The following ITGA9 variants were observed in gnomAD, a reference collection of about 807,000 sequenced individuals.
ITGA9 encodes integrin subunit alpha 9.
In ITGA9, 56 loss-of-function variants were observed where a neutral mutation model predicts 127.8. The observed-to-expected ratio is 0.44, with a 90% CI of 0.35 to 0.55. ITGA9 has a LOEUF of 0.55. ITGA9 is among the 20% of genes least tolerant of loss of function. The probability of loss-of-function intolerance (pLI) is 0.00; values close to 1 mark genes in which losing one functional copy is unlikely to be tolerated. For synonymous variants in ITGA9, 508 were observed against 514.5 expected, an observed-to-expected ratio of 0.99 and a Z score of 0.17; for missense variants, 1,196 against 1,347.1, an observed-to-expected ratio of 0.89 and a Z score of 1.76.
In ITGA9 at chr3:37,809,163, G is replaced by A. The variant is rs531812801; in HGVS notation, c.3009+5221G>A. On this transcript the variant is annotated intron_variant, in intron 27 of 27. Coordinates refer to ENST00000264741, the MANE Select transcript of ITGA9 (RefSeq NM_002207.3). Reference sequence around the variant, plus strand: ...TGCAGTAGCATGATCTTGACTCACTGCAACCTCCACCTCTTGGGTTCAAGA... The same window carrying A: ...TGCAGTAGCATGATCTTGACTCACTACAACCTCCACCTCTTGGGTTCAAGA... 4.1e-5 allele frequency among the ~76,000 whole-genome samples: 6 copies of A among 146,796 alleles called. No homozygotes were observed. In the Admixed American group the frequency reaches 4.2e-4, roughly 10 times the overall value.
chr3:37,721,984 G>A (rs1381752510), intron 18 of ITGA9, among the ~76,000 whole-genome samples: 1 of 152,158 alleles, frequency 6.6e-6, no homozygotes, highest in Non-Finnish European at 1.5e-5. Flanking sequence ...ACCCTCCAGT[G>A]CCTTCCCTCT....
In ITGA9 at chr3:37,452,597, G is replaced by A; in HGVS notation, c.185+38G>A. On this transcript the variant is annotated intron_variant, in intron 1 of 27. Transcript: ENST00000264741. This position sits in a 1 kb window ranked among gnomAD's most constrained non-coding sequence, Gnocchi z 7.3. ...CCGACTCCGCGACCCTGGCCCGCGC[G>A]GCCACCGCCCCGGCCCCCAGGCCAG... The A allele has an allele frequency of 1.4e-6, 2 of 1,477,336 alleles. No homozygotes were observed. Among genetic ancestry groups the A allele is most frequent in the Non-Finnish European group, 9.0e-7 (1 of 1,110,094 alleles). 91.5% of individuals were successfully genotyped at this position (1,477,336 alleles called of 1,614,324 possible).
At chr3:37,673,372 C>G (rs1190170822) in intron 17 of ITGA9, among the ~76,000 whole-genome samples, 1 of 152,180 alleles carries the variant, frequency 6.6e-6, no homozygotes, top group Non-Finnish European at 1.5e-5. Context: ...CCCAGGCTCC[C>G]TTGCAGATAA....
At chr3:37,762,800 C>T (rs774216645) in intron 23 of ITGA9, among the ~76,000 whole-genome samples, 1 of 152,184 alleles carries the variant, frequency 6.6e-6, no homozygotes, top group Non-Finnish European at 1.5e-5. Context: ...GCGTAGCTGT[C>T]CAGCAGCTCT....
intron 27 of ITGA9, among the ~76,000 whole-genome samples, chr3:37,813,284 C>G (rs76050719): frequency 0.04 from 6,042 of 152,248 alleles, 164 homozygotes; most frequent in Middle Eastern, 0.078. Context: ...ATCATAAAGT[C>G]AAAAAACTGT....
At chr3:37,490,683 A>G (rs1698660416) in intron 4 of ITGA9, among the ~76,000 whole-genome samples, 1 of 152,152 alleles carries the variant, frequency 6.6e-6, no homozygotes. Context: ...GGCTCCATGC[A>G]TTGAGTTGCG....
intron 22 of ITGA9, chr3:37,745,636 A>T (rs993207220): frequency 6.6e-6 from 1 of 152,256 alleles, no homozygotes; most frequent in Non-Finnish European, 1.5e-5. Context: ...TGAAGAGGGT[A>T]TGAGTGTTGA....
At chr3:37,587,936 G>A (rs887135915) in intron 15 of ITGA9, among the ~76,000 whole-genome samples, 1 of 152,180 alleles carries the variant, frequency 6.6e-6, no homozygotes, top group Non-Finnish European at 1.5e-5. Flanking sequence ...ATCCAGAGTG[G>A]CATGCAGTGG....
intron 26 of ITGA9, chr3:37,790,278 A>T: frequency 1.8e-6 from 1 of 542,594 alleles, no homozygotes; most frequent in Non-Finnish European, 3.7e-6. Context: ...TGTCATCTTT[A>T]TGAGCAATCT....
intron 5 of ITGA9, among the ~76,000 whole-genome samples, chr3:37,502,860 G>T (rs1698801278): frequency 6.6e-6 from 1 of 152,200 alleles, no homozygotes; most frequent in Admixed American, 6.5e-5. Context: ...TCAGCTGTTT[G>T]TCATTTCCTT....
At chr3:37,621,568 C>T (rs1427650658) in intron 15 of ITGA9, among the ~76,000 whole-genome samples, 1 of 152,170 alleles carries the variant, frequency 6.6e-6, no homozygotes, top group African/African-American at 2.4e-5. Flanking sequence ...CCCCAGCCCC[C>T]GACACACACA....
At chr3:37,733,143 A>G in intron 19 of ITGA9, 1 of 355,268 alleles carries the variant, frequency 2.8e-6, no homozygotes, top group Non-Finnish European at 5.5e-6. Context: ...TGAGTCCCCT[A>G]GACAACACAG....
At position 37,804,083 on chromosome 3, in the gene ITGA9, G is replaced by C. The variant is rs149528261; in HGVS notation, c.3009+141G>C. On this transcript the variant is annotated intron_variant, in intron 27 of 27. Transcript: ENST00000264741. ...GTGAAGGACAGTGACCCTTCAGGCA[G>C]GGAGTGGAATCTTGGCTCCCCTTGA... 1.1e-3 allele frequency: 1,390 copies of C among 1,310,090 alleles called. 10 individuals are homozygous for C. The African/African-American group carries it at 0.018, about 17-fold the overall frequency. The allele number at this position is 1,310,090 out of a possible 1,614,324, so 81.2% of individuals were successfully genotyped here.
intron 18 of ITGA9, among the ~76,000 whole-genome samples, chr3:37,712,607 A>G (rs1005710697): frequency 1.3e-5 from 2 of 152,172 alleles, no homozygotes; most frequent in African/African-American, 4.8e-5. Context: ...GGAAGTTGTC[A>G]TAGTGTCTCT....
intron 1 of ITGA9, among the ~76,000 whole-genome samples, chr3:37,462,848 C>G (rs149332940): frequency 1.3e-5 from 2 of 152,308 alleles, no homozygotes; most frequent in African/African-American, 4.8e-5. Flanking sequence ...TCATCACTGC[C>G]TTGGGAGGGG....
chr3:37,458,402 G>C (rs1698283089), intron 1 of ITGA9, among the ~76,000 whole-genome samples: 1 of 152,228 alleles, frequency 6.6e-6, no homozygotes, highest in African/African-American at 2.4e-5. Flanking sequence ...GGATGGGACA[G>C]AGAGAGCCTC....
chr3:37,632,560 T>C (rs1700238615), intron 16 of ITGA9, among the ~76,000 whole-genome samples: 2 of 152,154 alleles, frequency 1.3e-5, no homozygotes, highest in South Asian at 4.2e-4. Context: ...GAATAGCATG[T>C]TTCAGAGTTA....
intron 23 of ITGA9, among the ~76,000 whole-genome samples, chr3:37,766,891 G>A (rs1432591535): frequency 6.6e-6 from 1 of 152,218 alleles, no homozygotes; most frequent in African/African-American, 2.4e-5. Flanking sequence ...TTGTGTCACT[G>A]CCTCTCTCAG....
chr3:37,801,655 A>G (rs1409088229), intron 26 of ITGA9, among the ~76,000 whole-genome samples: 1 of 152,036 alleles, frequency 6.6e-6, no homozygotes, highest in Non-Finnish European at 1.5e-5. Context: ...ATAAAAACTA[A>G]AAAGTAGCCA....
Sources: allele counts gnomAD v4.1 joint callset (sites outside exome capture counted in the v4.1 genomes callset), GRCh38; gene constraint gnomAD v4.1.1; non-coding constraint Gnocchi (gnomAD v3.1); transcripts MANE v1.5; gene names NCBI Gene and HGNC (gene_info 2026-07-23, HGNC 2026-07-21).